Variants in AKNAD1 observed in about 807,000 individuals in gnomAD.
AKNAD1 encodes AKNA domain containing 1.
A neutral mutation model predicts 90.8 loss-of-function variants in AKNAD1; 67 were observed. That is an observed-to-expected ratio of 0.74 (90% confidence interval 0.61 to 0.90). AKNAD1 has a LOEUF of 0.90. Ranked by LOEUF, AKNAD1 falls within the 40% of genes least tolerant of loss-of-function variation. The pLI is 0.00. For synonymous variants in AKNAD1, 327 were observed against 341.4 expected (o/e 0.96, Z 0.46); for missense variants, 957 against 975.4 (o/e 0.98, Z 0.25).
chr1:108,835,137 A>G lies in AKNAD1; in HGVS notation c.1537-81T>C, dbSNP rs1030670880. The G allele has an allele frequency of 1.0e-5, 15 of 1,485,940 alleles. No homozygotes were observed. In the South Asian group the frequency reaches 1.6e-4, roughly 16 times the overall value. The allele number at this position is 1,485,940 out of a possible 1,614,324, so 92.0% of individuals were successfully genotyped here. A position where few individuals can be genotyped will look rare whatever the true frequency, so the allele number is the denominator to read the frequency against. On this transcript the variant is annotated intron_variant, in intron 7 of 15. Coordinates refer to ENST00000370001, the MANE Select transcript of AKNAD1 (RefSeq NM_152763.5). ...CTCAAAATCAGTTCAGCATCCCTAC[A>G]GCACCCCTAAGGCACCATAACATCC...
intron 1 of AKNAD1, among the ~76,000 whole-genome samples, chr1:108,854,101 G>T (rs1165274730): frequency 6.6e-6 from 1 of 152,142 alleles, no homozygotes; most frequent in African/African-American, 2.4e-5. Flanking sequence ...CAGCCCAGGC[G>T]GCGGTCTGGT....
chr1:108,830,982 C>T (rs1664179867), intron 9 of AKNAD1, among the ~76,000 whole-genome samples: 2 of 152,214 alleles, frequency 1.3e-5, no homozygotes, highest in Non-Finnish European at 2.9e-5. Flanking sequence ...GAATACTCTC[C>T]CCTTTTTATC....
At chr1:108,827,099 G>A in intron 11 of AKNAD1, 106 bp downstream of exon 11, 1 of 769,956 alleles carries the variant, frequency 1.3e-6, no homozygotes, top group Non-Finnish European at 2.3e-6. Flanking sequence ...CCTAGTGTAG[G>A]GAAATGCTCT....
chr1:108,826,707 T>A (rs1664003194), intron 11 of AKNAD1, among the ~76,000 whole-genome samples: 1 of 150,888 alleles, frequency 6.6e-6, no homozygotes. Flanking sequence ...CACATCTTAT[T>A]GAAAGTGATT....
chr1:108,828,444 C>T (rs1664081654), intron 10 of AKNAD1, among the ~76,000 whole-genome samples: 1 of 151,772 alleles, frequency 6.6e-6, no homozygotes, highest in African/African-American at 2.4e-5. Flanking sequence ...TCTTGCTAAG[C>T]TCCTGGGATA....
At chr1:108,836,874 A>G (rs571687807) in intron 7 of AKNAD1, 21 of 152,370 alleles carry the variant, frequency 1.4e-4, no homozygotes, top group Admixed American at 5.2e-4. Flanking sequence ...TAGAAATCCA[A>G]AAGAATTTAA....
intron 11 of AKNAD1, among the ~76,000 whole-genome samples, chr1:108,825,617 T>A (rs551060293): frequency 6.6e-6 from 1 of 151,558 alleles, no homozygotes; most frequent in African/African-American, 2.4e-5. Flanking sequence ...TCCCCCCTCA[T>A]TGGAGAACAG....
chr1:108,818,680 C>T (rs1176521629), intron 14 of AKNAD1, among the ~76,000 whole-genome samples: 2 of 151,880 alleles, frequency 1.3e-5, no homozygotes, highest in Admixed American at 6.6e-5. Context: ...CCCAAGAAGT[C>T]GGCCAGGCAT....
Position 108,839,473 on chromosome 1 carries a change from A to AAAAAAAAAAG in AKNAD1, c.1380-1777_1380-1768dup, listed in dbSNP as rs1314808863. On this transcript the variant is annotated intron_variant, in intron 6 of 15. Coordinates refer to ENST00000370001, the MANE Select transcript of AKNAD1 (RefSeq NM_152763.5). ...GGAGGAGCGAGACTCCGTCTCAATA[A>AAAAAAAAAAG]AAAAAAAAAGAAAAGGGAAAATTGC... Among the ~76,000 whole-genome samples, 13 of 151,424 alleles carry AAAAAAAAAAG rather than the reference A, an allele frequency of 8.6e-5. 1 individual carries two copies. Among genetic ancestry groups the AAAAAAAAAAG allele is most frequent in the African/African-American group, 3.2e-4 (13 of 41,246 alleles).
At chr1:108,819,919 C>CAA (rs71591113) in intron 14 of AKNAD1, among the ~76,000 whole-genome samples, 25,568 of 128,138 alleles carry the variant, frequency 0.2, 3,018 homozygotes, top group East Asian at 0.58. Context: ...GAATTAACAG[C>CAA]AAAAAAAAAA....
At chr1:108,837,505 A>G (rs1222241070) in intron 7 of AKNAD1, 45 bp downstream of exon 7, 1 of 1,557,422 alleles carries the variant, frequency 6.4e-7, no homozygotes, top group South Asian at 1.2e-5. Flanking sequence ...ATGCAAAAAC[A>G]CCATTTTTCC....
At chr1:108,854,585 C>T (rs1664978627) in intron 1 of AKNAD1, among the ~76,000 whole-genome samples, 3 of 152,188 alleles carry the variant, frequency 2.0e-5, no homozygotes, top group Non-Finnish European at 4.4e-5. Context: ...AATTTATAGA[C>T]ACATGCCAAT....
At chr1:108,819,921 A>C (rs1481174224) in intron 14 of AKNAD1, among the ~76,000 whole-genome samples, 3,473 of 45,276 alleles carry the variant, frequency 0.077, 62 homozygotes, top group Non-Finnish European at 0.11. Flanking sequence ...ATTAACAGCA[A>C]AAAAAAAAAA....
At chr1:108,828,632 G>T (rs1240332815) in intron 10 of AKNAD1, among the ~76,000 whole-genome samples, 2 of 151,726 alleles carry the variant, frequency 1.3e-5, no homozygotes, top group Non-Finnish European at 2.9e-5. Flanking sequence ...AAGGGATGGG[G>T]CTGCGGGTTT....
At chr1:108,828,093 A>T (rs916443650) in intron 10 of AKNAD1, among the ~76,000 whole-genome samples, 1 of 136,212 alleles carries the variant, frequency 7.3e-6, no homozygotes, top group African/African-American at 2.8e-5. Context: ...CTCAAAAACA[A>T]ACAAACAAAC....
At chr1:108,858,075 TG>T (rs1665098026), upstream of AKNAD1, 2 of 152,768 alleles carry the variant, frequency 1.3e-5, no homozygotes, top group East Asian at 3.9e-4. Flanking sequence ...TTGGAGTCTC[TG>T]GATATCACAG....
intron 9 of AKNAD1, among the ~76,000 whole-genome samples, chr1:108,831,841 G>A (rs1664208513): frequency 6.6e-6 from 1 of 152,032 alleles, no homozygotes; most frequent in South Asian, 2.1e-4. Context: ...GGCCGGGCTG[G>A]TCTTGAGCTC....
intron 14 of AKNAD1, among the ~76,000 whole-genome samples, chr1:108,818,963 C>CAAAAAAA (rs56396425): frequency 1.0e-5 from 1 of 99,850 alleles, no homozygotes; most frequent in Non-Finnish European, 2.0e-5. Flanking sequence ...AACTCCATCT[C>CAAAAAAA]AAAAAAAAAA....
At position 108,837,494 on chromosome 1, in the gene AKNAD1, A is replaced by G. The variant is rs1277763812; in HGVS notation, c.1536+56T>C. The G allele has an allele frequency of 4.6e-6, 7 of 1,528,180 alleles. No individual in the cohort carries two copies. In the East Asian group the frequency reaches 1.6e-4, roughly 35 times the overall value. 94.7% of individuals were successfully genotyped at this position (1,528,180 alleles called of 1,614,324 possible). A position where few individuals can be genotyped will look rare whatever the true frequency, so the allele number is the denominator to read the frequency against. On this transcript the variant is annotated intron_variant, in intron 7 of 15. Coordinates refer to ENST00000370001, the MANE Select transcript of AKNAD1 (RefSeq NM_152763.5). ...TGAATCCATGAATTAGGAGTCTATA[A>G]ATGCAAAAACACCATTTTTCCTGGC... is the stretch of plus-strand genomic sequence containing the variant.
Sources: gnomAD v4.1 joint callset for allele counts (sites outside exome capture counted in the v4.1 genomes callset) on GRCh38, gnomAD v4.1.1 for gene constraint, MANE v1.5 for transcripts, NCBI Gene and HGNC (gene_info 2026-07-23, HGNC 2026-07-21) for gene names.